Variants in ARB2A observed in about 807,000 individuals in gnomAD.
The protein encoded by ARB2A is cotranscriptional regulator ARB2A.
At chr5:93,637,019 T>G in the ARB2A span, among the ~76,000 whole-genome samples, 2 of 152,210 alleles carry the variant, frequency 1.3e-5, no homozygotes, top group Non-Finnish European at 2.9e-5. Flanking sequence ...ATATAGAACA[T>G]TTCCATCACC....
the ARB2A span, chr5:93,776,131 A>T: frequency 6.5e-7 from 1 of 1,539,428 alleles, no homozygotes; most frequent in Non-Finnish European, 8.8e-7. Context: ...AAACAACAGC[A>T]ATCATATATC....
the ARB2A span, among the ~76,000 whole-genome samples, chr5:94,020,633 G>A: frequency 1.4e-4 from 22 of 152,282 alleles, no homozygotes; most frequent in African/African-American, 5.1e-4. Flanking sequence ...GGATGGTTGT[G>A]ATTAGAGAGG....
At chr5:94,081,084 T>C in the ARB2A span, among the ~76,000 whole-genome samples, 1 of 152,180 alleles carries the variant, frequency 6.6e-6, no homozygotes, top group Admixed American at 6.5e-5. Context: ...ACATAAAAGA[T>C]GCTCAATATC....
the ARB2A span, among the ~76,000 whole-genome samples, chr5:93,623,620 G>A: frequency 2.6e-5 from 4 of 152,254 alleles, no homozygotes; most frequent in East Asian, 7.7e-4. Context: ...GTCCTGGACT[G>A]AAAAGACCAG....
At chr5:93,675,201 C>T in the ARB2A span, among the ~76,000 whole-genome samples, 29 of 152,242 alleles carry the variant, frequency 1.9e-4, no homozygotes, top group East Asian at 5.6e-3. Context: ...CTTATTAAAT[C>T]TCATACTTGC....
the ARB2A span, among the ~76,000 whole-genome samples, chr5:93,824,557 T>C: frequency 6.6e-6 from 1 of 152,302 alleles, no homozygotes; most frequent in East Asian, 1.9e-4. Flanking sequence ...GATACATGCC[T>C]TTTAGTACAC....
the ARB2A span, among the ~76,000 whole-genome samples, chr5:93,712,698 G>A: frequency 2.0e-5 from 3 of 151,918 alleles, no homozygotes; most frequent in Admixed American, 1.3e-4. Flanking sequence ...AGAAATAGAG[G>A]AAATAATCTT....
chr5:94,015,459 G>C, the ARB2A span, among the ~76,000 whole-genome samples: 2 of 151,970 alleles, frequency 1.3e-5, no homozygotes, highest in Admixed American at 1.3e-4. Context: ...ACATTTGAAG[G>C]TATAAAATCG....
the ARB2A span, among the ~76,000 whole-genome samples, chr5:93,813,750 C>A: frequency 6.6e-6 from 1 of 152,194 alleles, no homozygotes; most frequent in East Asian, 1.9e-4. Context: ...ACTGTGAGAA[C>A]AAATGTTTGT....
chr5:93,998,007 A>G, the ARB2A span, among the ~76,000 whole-genome samples: 1 of 151,954 alleles, frequency 6.6e-6, no homozygotes, highest in Non-Finnish European at 1.5e-5. Flanking sequence ...ATACACACAC[A>G]CACACACACA....
chr5:93,830,341 A>C, the ARB2A span, among the ~76,000 whole-genome samples: 1 of 141,068 alleles, frequency 7.1e-6, no homozygotes, highest in African/African-American at 2.6e-5. Flanking sequence ...ATATATATAT[A>C]TATATATATA....
At chr5:93,710,028 T>C in the ARB2A span, among the ~76,000 whole-genome samples, 1 of 152,340 alleles carries the variant, frequency 6.6e-6, no homozygotes, top group Admixed American at 6.5e-5. Flanking sequence ...ATCAAGGTTG[T>C]TGGATGTCTA....
At chr5:93,742,057 C>T in the ARB2A span, among the ~76,000 whole-genome samples, 1 of 152,126 alleles carries the variant, frequency 6.6e-6, no homozygotes, top group African/African-American at 2.4e-5. Context: ...CCAACAGTTC[C>T]TCTTTGCACA....
At chr5:94,064,267 C>G in the ARB2A span, among the ~76,000 whole-genome samples, 2 of 152,016 alleles carry the variant, frequency 1.3e-5, no homozygotes, top group African/African-American at 4.8e-5. Flanking sequence ...CATTTCAGAA[C>G]ACAAAGACAG....
chr5:94,082,569 A>G, the ARB2A span, among the ~76,000 whole-genome samples: 1 of 152,166 alleles, frequency 6.6e-6, no homozygotes, highest in Non-Finnish European at 1.5e-5. Context: ...GCATTTAAGT[A>G]CCACTCAAAT....
At chr5:93,986,699 T>C in the ARB2A span, among the ~76,000 whole-genome samples, 1 of 152,224 alleles carries the variant, frequency 6.6e-6, no homozygotes, top group African/African-American at 2.4e-5. Context: ...GGGATGCTGT[T>C]AATCTATAAC....
At chr5:94,001,619 C>T in the ARB2A span, among the ~76,000 whole-genome samples, 12 of 152,164 alleles carry the variant, frequency 7.9e-5, no homozygotes, top group East Asian at 1.9e-3. Context: ...TGATAAAAGG[C>T]ATTCATTTTT....
chr5:93,847,975 A>G, the ARB2A span, among the ~76,000 whole-genome samples: 1 of 152,250 alleles, frequency 6.6e-6, no homozygotes, highest in East Asian at 1.9e-4. Context: ...TTGTTAAGAA[A>G]TGTTATTTAA....
the ARB2A span, among the ~76,000 whole-genome samples, chr5:93,827,601 T>G: frequency 1.3e-5 from 2 of 152,110 alleles, no homozygotes; most frequent in African/African-American, 2.4e-5. Flanking sequence ...TTTAGTTTCA[T>G]TAGATCCCAT....
Sources: allele counts gnomAD v4.1 joint callset (sites outside exome capture counted in the v4.1 genomes callset), GRCh38; gene constraint gnomAD v4.1.1; transcripts MANE v1.5; gene names NCBI Gene and HGNC (gene_info 2026-07-23, HGNC 2026-07-21).